PRDM5: variants seen among roughly 807,000 people sequenced by gnomAD.
PRDM5 encodes PR/SET domain 5.
PRDM5 carries 56 observed loss-of-function variants against 81.2 expected under a neutral mutation model. That is an observed-to-expected ratio of 0.69 (90% CI 0.56 to 0.86). The LOEUF (loss-of-function observed/expected upper bound fraction) is 0.86. Ranked by LOEUF, PRDM5 falls within the 40% of genes least tolerant of loss-of-function variation. The pLI is 0.00. For synonymous variants in PRDM5, 267 were observed against 256.4 expected, an observed-to-expected ratio of 1.04 and a Z score of -0.39; for missense variants, 697 against 770.1, an observed-to-expected ratio of 0.91 and a Z score of 1.12.
At chr4:120,835,653 A>C (rs963076867) in intron 3 of PRDM5, among the ~76,000 whole-genome samples, 1 of 152,094 alleles carries the variant, frequency 6.6e-6, no homozygotes, top group African/African-American at 2.4e-5. Flanking sequence ...GCCTTCCATC[A>C]TGATTGTGAG....
chr4:120,701,108 G>A (rs1212603924), intron 15 of PRDM5, among the ~76,000 whole-genome samples: 1 of 151,478 alleles, frequency 6.6e-6, no homozygotes, highest in Non-Finnish European at 1.5e-5. Flanking sequence ...CTGGGCGACA[G>A]AGCAAGACTC....
intron 2 of PRDM5, among the ~76,000 whole-genome samples, chr4:120,900,596 G>A (rs984411085): frequency 2.6e-5 from 4 of 152,030 alleles, no homozygotes; most frequent in Non-Finnish European, 5.9e-5. Context: ...GTCAAGGGTT[G>A]GAAAAGAAGT....
At chr4:120,825,291 T>C (rs896134399) in intron 3 of PRDM5, among the ~76,000 whole-genome samples, 4 of 152,188 alleles carry the variant, frequency 2.6e-5, no homozygotes, top group African/African-American at 9.6e-5. Flanking sequence ...TGGTAGTTAC[T>C]ATCATTACTA....
rs534164139 is a variant in PRDM5 at position 120,782,643 on chromosome 4, G to A, written c.1283-1340C>T. 1.7e-3 allele frequency among the ~76,000 whole-genome samples: 256 copies of A among 152,066 alleles called. 1 individual carries two copies. Among genetic ancestry groups the A allele is most frequent in the South Asian group, 8.5e-3 (41 of 4,814 alleles). On this transcript the variant is annotated intron_variant, in intron 11 of 15. Transcript: ENST00000264808. ...ATTCTGAGAGCTTGGTTTTTTGTGT[G>A]TTTTTGTTGCAGAGTATTATTCTTA...
At chr4:120,735,859 T>C (rs1312030657) in intron 14 of PRDM5, among the ~76,000 whole-genome samples, 1 of 152,164 alleles carries the variant, frequency 6.6e-6, no homozygotes, top group East Asian at 1.9e-4. Context: ...ACTTTTTAAA[T>C]ATATAAATGT....
chr4:120,806,703 A>G (rs140692422), intron 8 of PRDM5, among the ~76,000 whole-genome samples: 14,597 of 152,254 alleles, frequency 0.096, 905 homozygotes, highest in South Asian at 0.2. Flanking sequence ...TTAATTCAAG[A>G]TGGATTAAAG....
At chr4:120,758,685 A>T (rs1745144912) in intron 13 of PRDM5, among the ~76,000 whole-genome samples, 1 of 151,994 alleles carries the variant, frequency 6.6e-6, no homozygotes, top group African/African-American at 2.4e-5. Context: ...GAGGTGACAC[A>T]GTTTTATAGT....
At chr4:120,880,305 G>T (rs1188292034) in intron 2 of PRDM5, among the ~76,000 whole-genome samples, 2 of 151,988 alleles carry the variant, frequency 1.3e-5, no homozygotes, top group East Asian at 3.9e-4. Context: ...CCATAAATAT[G>T]ACCTATACTT....
At chr4:120,750,865 A>G in intron 14 of PRDM5, among the ~76,000 whole-genome samples, 1 of 152,202 alleles carries the variant, frequency 6.6e-6, no homozygotes, top group East Asian at 1.9e-4. Flanking sequence ...CCAAAGAAAG[A>G]ATTTAAAATA....
chr4:120,853,598 A>C, intron 2 of PRDM5, 58 bp from the exon 3 acceptor site: 1 of 1,608,456 alleles, frequency 6.2e-7, no homozygotes. Context: ...GCCTTTAAAC[A>C]CATCAAGGTT....
intron 15 of PRDM5, among the ~76,000 whole-genome samples, chr4:120,705,626 AG>A (rs1735999582): frequency 6.6e-6 from 1 of 152,162 alleles, no homozygotes; most frequent in Non-Finnish European, 1.5e-5. Context: ...TGAGGGCTGC[AG>A]GTCACCTGAG....
At chr4:120,856,550 A>T (rs1364248038) in intron 2 of PRDM5, among the ~76,000 whole-genome samples, 1 of 152,078 alleles carries the variant, frequency 6.6e-6, no homozygotes, top group Non-Finnish European at 1.5e-5. Context: ...TTACCTGTGC[A>T]CACGACTTTT....
rs543923484 is a variant in PRDM5, at chr4:120,902,921, TCACAAAGGCTCA to T, written c.177+4541_177+4552del. 6.2e-3 allele frequency among the ~76,000 whole-genome samples: 937 copies of T among 152,246 alleles called. 9 individuals carry two copies. The highest frequency in any genetic ancestry group is 0.024 in the South Asian group (114 of 4,816). ...GATCCCTTCATACCCTGTCCCAAGC[TCACAAAGGCTCA>T]CACCTACCAGGAGGCTCAATCCTGA... On this transcript the variant is annotated intron_variant, in intron 2 of 15. Transcript: ENST00000264808.
At chr4:120,780,869 T>C (rs1748936291) in intron 12 of PRDM5, among the ~76,000 whole-genome samples, 1 of 152,140 alleles carries the variant, frequency 6.6e-6, no homozygotes, top group Non-Finnish European at 1.5e-5. Flanking sequence ...AAGCTCCTGC[T>C]CATTGAGTAC....
chr4:120,704,586 A>T (rs563916321), intron 15 of PRDM5, among the ~76,000 whole-genome samples: 2 of 152,372 alleles, frequency 1.3e-5, no homozygotes, highest in South Asian at 2.1e-4. Context: ...TACTTATCAC[A>T]TACAATGTGC....
intron 2 of PRDM5, among the ~76,000 whole-genome samples, chr4:120,900,413 GA>G (rs1765108001): frequency 6.6e-6 from 1 of 152,170 alleles, no homozygotes; most frequent in Non-Finnish European, 1.5e-5. Context: ...AAATGTCAAG[GA>G]AGTAGATGAG....
intron 8 of PRDM5, among the ~76,000 whole-genome samples, chr4:120,802,242 A>C (rs1393229593): frequency 1.3e-5 from 2 of 152,228 alleles, no homozygotes; most frequent in African/African-American, 4.8e-5. Context: ...AGCCATGTTC[A>C]AAATTCCTTA....
chr4:120,816,289 A>G, intron 7 of PRDM5, 164 bp downstream of exon 7: 1 of 1,051,220 alleles, frequency 9.5e-7, no homozygotes, highest in Non-Finnish European at 1.4e-6. Context: ...CCTGAGAAAG[A>G]AATAGTGTTC....
At chr4:120,690,977 G>A (rs1055419976), downstream of PRDM5, among the ~76,000 whole-genome samples, 7 of 151,894 alleles carry the variant, frequency 4.6e-5, no homozygotes, top group Non-Finnish European at 1.0e-4. Context: ...TATTCTAATT[G>A]GCTAAAAGTT....
Sources: allele counts gnomAD v4.1 joint callset (sites outside exome capture counted in the v4.1 genomes callset), GRCh38; gene constraint gnomAD v4.1.1; transcripts MANE v1.5; gene names NCBI Gene and HGNC (gene_info 2026-07-23, HGNC 2026-07-21).